The following KCNQ1 variants were observed in gnomAD, a reference collection of about 807,000 sequenced individuals.
KCNQ1 encodes the protein potassium voltage-gated channel subfamily Q member 1.
Under a neutral mutation model 72.4 loss-of-function variants are expected in KCNQ1, and 49 were observed. That is an observed-to-expected ratio of 0.68 (90% CI 0.54 to 0.86). KCNQ1 has a LOEUF of 0.86. Among genes scored for constraint, KCNQ1 ranks in the 40% least tolerant of loss-of-function variants. KCNQ1 has a pLI of 0.00. For missense variants in KCNQ1, 790 were observed against 945.1 expected, an observed-to-expected ratio of 0.84 and a Z score of 2.15; for synonymous variants, 450 against 412.6, an observed-to-expected ratio of 1.09 and a Z score of -1.10.
Position 2,626,317 on chromosome 11 carries a change from T to C in KCNQ1, c.1394-35644T>C, listed in dbSNP as rs1038041723. The C allele has an allele frequency of 2.8e-5, 11 of 398,374 alleles. No individual in the cohort carries two copies. Among genetic ancestry groups the C allele is most frequent in the Non-Finnish European group, 4.9e-5 (11 of 226,064 alleles). 24.7% of individuals were successfully genotyped at this position (398,374 alleles called of 1,614,324 possible). ...ATTCTCTTGAGTTAATTTTTGTGTA[T>C]GGTATTAGGTAAGGGTCTCAACTTC... On this transcript the variant is annotated intron_variant, in intron 10 of 15. Coordinates refer to ENST00000155840, the MANE Select transcript of KCNQ1 (RefSeq NM_000218.3). The surrounding 1 kb of genome is among the most constrained non-coding windows in gnomAD (Gnocchi z 4.0).
chr11:2,798,028 A>G lies in KCNQ1; in HGVS notation c.1794+19991A>G, dbSNP rs369652492. On this transcript the variant is annotated intron_variant, in intron 15 of 15. Coordinates refer to ENST00000155840, the MANE Select transcript of KCNQ1 (RefSeq NM_000218.3). ...CCCTCTCACCCTCACAGGGGACCCA[A>G]TTGCACAGCCATCCACAGCGGCCTT... Among the ~76,000 whole-genome samples, 4 of 152,210 alleles carry G rather than the reference A, an allele frequency of 2.6e-5. No individual in the cohort carries two copies. The East Asian group carries it at 7.8e-4, about 30-fold the overall frequency.
At chr11:2,496,137 A>G (rs1846911306) in intron 1 of KCNQ1, among the ~76,000 whole-genome samples, 1 of 152,056 alleles carries the variant, frequency 6.6e-6, no homozygotes, top group Non-Finnish European at 1.5e-5. Flanking sequence ...AGTCTGTTTT[A>G]TCAAAGGCTA....
chr11:2,691,341 G>A lies in KCNQ1; in HGVS notation c.1514+29260G>A. On this transcript the variant is annotated intron_variant, in intron 11 of 15. Transcript: ENST00000155840. The surrounding 1 kb of genome is among the most constrained non-coding windows in gnomAD (Gnocchi z 6.4). ...TGAGCTACAATCCACTGCACTTACA[G>A]TGACCACCCATCCTGACATCTTGGG... The A allele has an allele frequency of 5.0e-6, 2 of 398,620 alleles. No homozygotes were observed. The highest frequency in any genetic ancestry group is 3.6e-5 in the East Asian group (1 of 28,066). 24.7% of individuals were successfully genotyped at this position (398,620 alleles called of 1,614,324 possible). A position where few individuals can be genotyped will look rare whatever the true frequency, so the allele number is the denominator to read the frequency against.
intron 10 of KCNQ1, chr11:2,644,121 A>G: frequency 2.5e-6 from 1 of 398,514 alleles, no homozygotes; most frequent in South Asian, 1.3e-4. Flanking sequence ...AGATTCCTAT[A>G]TTTGGATCTA....
chr11:2,549,862 CT>C lies in KCNQ1; in HGVS notation c.478-20765del, dbSNP rs1170107532. The stretch of plus-strand genomic sequence containing the variant: ...AGACCCCTGGGCAGGACACCCCTCC[CT>C]GGCTTTTCCTTCTGCACCACTCAAT... On this transcript the variant is annotated intron_variant, in intron 2 of 15. Coordinates refer to ENST00000155840, the MANE Select transcript of KCNQ1 (RefSeq NM_000218.3). This position sits in a 1 kb window ranked among gnomAD's most constrained non-coding sequence, Gnocchi z 6.2. Among the ~76,000 whole-genome samples the C allele has an allele frequency of 6.6e-6, 1 of 152,164 alleles. No individual in the cohort carries two copies. Among genetic ancestry groups the C allele is most frequent in the Non-Finnish European group, 1.5e-5 (1 of 68,008 alleles).
Position 2,620,008 on chromosome 11 carries a change from A to T in KCNQ1, c.1393+31154A>T, listed in dbSNP as rs1221193343. ...TACCCAATAGGTAGGTTTTCAGCCC[A>T]CCTCTCCATTCCTCCCCCAAGTAGT... On this transcript the variant is annotated intron_variant, in intron 10 of 15. Coordinates refer to ENST00000155840, the MANE Select transcript of KCNQ1 (RefSeq NM_000218.3). This position sits in a 1 kb window ranked among gnomAD's most constrained non-coding sequence, Gnocchi z 4.5. 2.0e-5 allele frequency: 8 copies of T among 397,360 alleles called. No homozygotes were observed. The highest frequency in any genetic ancestry group is 4.4e-5 in the Admixed American group (1 of 22,610). The allele number at this position is 397,360 out of a possible 1,614,324, so 24.6% of individuals were successfully genotyped here.
chr11:2,585,158 AC>A, intron 7 of KCNQ1, 53 bp from the exon 8 acceptor site: 1 of 1,491,814 alleles, frequency 6.7e-7, no homozygotes. Context: ...CTGAGGCTGC[AC>A]CCAGCTGGCA....
intron 11 of KCNQ1, among the ~76,000 whole-genome samples, chr11:2,756,773 A>T (rs1846305279): frequency 6.6e-6 from 1 of 152,016 alleles, no homozygotes; most frequent in Admixed American, 6.5e-5. Flanking sequence ...ATTTTGAATA[A>T]CGAGTCCTTG....
chr11:2,671,437 T>C lies in KCNQ1; in HGVS notation c.1514+9356T>C, dbSNP rs907492728. 5.0e-6 allele frequency: 2 copies of C among 398,482 alleles called. No homozygotes were observed. Among genetic ancestry groups the C allele is most frequent in the African/African-American group, 2.1e-5 (1 of 48,624 alleles). The allele number at this position is 398,482 out of a possible 1,614,324, so 24.7% of individuals were successfully genotyped here. A position where few individuals can be genotyped will look rare whatever the true frequency, so the allele number is the denominator to read the frequency against. ...TGTGCACCCAGAGATTCTCCCACTT[T>C]AGCAGGCAGAAGAGCAACCCAGCAG... On this transcript the variant is annotated intron_variant, in intron 11 of 15. Coordinates refer to ENST00000155840, the MANE Select transcript of KCNQ1 (RefSeq NM_000218.3). This position sits in a 1 kb window ranked among gnomAD's most constrained non-coding sequence, Gnocchi z 4.7.
Position 2,827,791 on chromosome 11 carries a change from C to T in KCNQ1, c.1795-19976C>T, listed in dbSNP as rs531064730. On this transcript the variant is annotated intron_variant, in intron 15 of 15. Transcript: ENST00000155840. The surrounding 1 kb of genome is among the most constrained non-coding windows in gnomAD (Gnocchi z 6.7). ...GGGGGTACACTTCAGCGGCTCAGGC[C>T]AGGGTGTAAGTAGCAGGTATGTGGT... 6.6e-6 allele frequency among the ~76,000 whole-genome samples: 1 copy of T among 152,098 alleles called. No homozygotes were observed. Among genetic ancestry groups the T allele is most frequent in the African/African-American group, 2.4e-5 (1 of 41,486 alleles).
Position 2,491,015 on chromosome 11 carries a change from T to C in KCNQ1, c.387-36913T>C, listed in dbSNP as rs1329762816. Reference sequence around the variant, plus strand: ...GCCACTGCGCCTGGCCCCAAGGCAGTATTTTTATGAGTCTGCAAGAACCAC... The same window carrying C: ...GCCACTGCGCCTGGCCCCAAGGCAGCATTTTTATGAGTCTGCAAGAACCAC... On this transcript the variant is annotated intron_variant, in intron 1 of 15. Transcript: ENST00000155840. The surrounding 1 kb of genome is among the most constrained non-coding windows in gnomAD (Gnocchi z 4.1). Among the ~76,000 whole-genome samples the C allele has an allele frequency of 6.6e-6, 1 of 152,212 alleles. No homozygotes were observed. Among genetic ancestry groups the C allele is most frequent in the Non-Finnish European group, 1.5e-5 (1 of 68,038 alleles).
At chr11:2,774,135 G>A (rs1050047486) in intron 12 of KCNQ1, among the ~76,000 whole-genome samples, 4 of 152,214 alleles carry the variant, frequency 2.6e-5, no homozygotes, top group African/African-American at 9.7e-5. Context: ...ACGGAAGAGA[G>A]AGACAGGGCT....
chr11:2,582,232 C>G (rs572266624), intron 6 of KCNQ1, among the ~76,000 whole-genome samples: 81 of 152,342 alleles, frequency 5.3e-4, no homozygotes, highest in African/African-American at 1.9e-3. Flanking sequence ...TCTCTGTCCG[C>G]GTGTGCGCCT....
intron 2 of KCNQ1, among the ~76,000 whole-genome samples, chr11:2,535,018 G>T (rs1197553871): frequency 6.6e-6 from 1 of 152,140 alleles, no homozygotes; most frequent in African/African-American, 2.4e-5. Context: ...GACAGATGTG[G>T]GCCCTCTGTC....
Position 2,445,128 on chromosome 11 carries a change from C to A in KCNQ1, c.30C>A (p.Ala10=). ...CCGCGGCCTCCTCCCCGCCCAGGGC[C>A]GAGAGGAAGCGCTGGGGTTGGGGCC... MAAASSPPR[A]ERKRWGWGRL... The change falls in exon 1 of 16, where the codon GCC becomes GCA. Residue 10 remains alanine (A), a synonymous_variant. Coordinates refer to ENST00000155840, the MANE Select transcript of KCNQ1 (RefSeq NM_000218.3). 1 of 1,114,980 alleles carries A rather than the reference C, an allele frequency of 9.0e-7. No individual in the cohort carries two copies. The highest frequency in any genetic ancestry group is 1.1e-6 in the Non-Finnish European group (1 of 911,328). The allele number at this position is 1,114,980 out of a possible 1,614,324, so 69.1% of individuals were successfully genotyped here.
In KCNQ1 at chr11:2,785,984, A is replaced by G. The variant is rs1846904258; in HGVS notation, c.1794+7947A>G. On this transcript the variant is annotated intron_variant, in intron 15 of 15. Coordinates refer to ENST00000155840, the MANE Select transcript of KCNQ1 (RefSeq NM_000218.3). The surrounding 1 kb of genome is among the most constrained non-coding windows in gnomAD (Gnocchi z 4.4). ...TTGAACTGTGTTTAATTTTTAACTC[A>G]CTAATTGGTAGTGTTTTATACAATC... 6.6e-6 allele frequency among the ~76,000 whole-genome samples: 1 copy of G among 152,088 alleles called. No homozygotes were observed. The highest frequency in any genetic ancestry group is 6.5e-5 in the Admixed American group (1 of 15,276).
chr11:2,570,495 G>A, intron 2 of KCNQ1, 133 bp from the exon 3 acceptor site: 1 of 1,229,528 alleles, frequency 8.1e-7, no homozygotes, highest in Non-Finnish European at 1.2e-6. Context: ...CAGCAGGCCA[G>A]GACCCGGGCC....
rs1404444376 is a variant in KCNQ1 at position 2,642,112 on chromosome 11, T to C, written c.1394-19849T>C. The C allele has an allele frequency of 1.8e-5, 7 of 398,372 alleles. No individual in the cohort carries two copies. The highest frequency in any genetic ancestry group is 4.4e-5 in the Admixed American group (1 of 22,712). The allele number at this position is 398,372 out of a possible 1,614,324, so 24.7% of individuals were successfully genotyped here. On this transcript the variant is annotated intron_variant, in intron 10 of 15. Transcript: ENST00000155840. The surrounding 1 kb of genome is among the most constrained non-coding windows in gnomAD (Gnocchi z 4.3). ...TTGCTGTGGCTATTCCAGCTCTTTT[T>C]TGGTTCCATCTGAATTTTAGGATTT...
rs756093053 is a variant in KCNQ1 at position 2,608,101 on chromosome 11, G to A, written c.1393+19247G>A. 1.3e-5 allele frequency among the ~76,000 whole-genome samples: 2 copies of A among 152,122 alleles called. No homozygotes were observed. Among genetic ancestry groups the A allele is most frequent in the East Asian group, 1.9e-4 (1 of 5,200 alleles). ...AAGTTCTCTTTTCATGTTTTTGTCT[G>A]GTTTTGGTGTCAGGGTGATACTGGA... On this transcript the variant is annotated intron_variant, in intron 10 of 15. Coordinates refer to ENST00000155840, the MANE Select transcript of KCNQ1 (RefSeq NM_000218.3). This position sits in a 1 kb window ranked among gnomAD's most constrained non-coding sequence, Gnocchi z 4.6.
Sources: allele counts gnomAD v4.1 joint callset (sites outside exome capture counted in the v4.1 genomes callset), GRCh38; gene constraint gnomAD v4.1.1; non-coding constraint Gnocchi (gnomAD v3.1); transcripts MANE v1.5; gene names NCBI Gene and HGNC (gene_info 2026-07-23, HGNC 2026-07-21).